The following SPOCK3 variants were observed in gnomAD, a reference collection of about 807,000 sequenced individuals.
SPOCK3 encodes the protein SPARC (osteonectin), cwcv and kazal like domains proteoglycan 3, also known as testican-3.
In SPOCK3, 30 loss-of-function variants were observed where a neutral mutation model predicts 56.6. The ratio of observed to expected loss-of-function variants is 0.53; its 90% CI spans 0.40 to 0.72. SPOCK3 has a LOEUF of 0.72. Ranked by LOEUF, SPOCK3 falls within the 30% of genes least tolerant of loss-of-function variation. SPOCK3 has a pLI of 0.00. For missense variants in SPOCK3, 527 were observed against 530.0 expected, an observed-to-expected ratio of 0.99 and a Z score of 0.06; for synonymous variants, 196 against 183.3, an observed-to-expected ratio of 1.07 and a Z score of -0.56.
chr4:167,049,934 A>G (rs1754047415), intron 3 of SPOCK3, among the ~76,000 whole-genome samples: 1 of 152,204 alleles, frequency 6.6e-6, no homozygotes, highest in South Asian at 2.1e-4. Context: ...ATAAATCGGT[A>G]TTTCATAACA....
rs957318929 is a variant in SPOCK3 at position 167,193,730 on chromosome 4, A to G, written c.189+40255T>C. Among the ~76,000 whole-genome samples, 11 of 145,562 alleles carry G rather than the reference A, an allele frequency of 7.6e-5. 2 individuals carry two copies. Among genetic ancestry groups the G allele is most frequent in the Admixed American group, 3.5e-4 (5 of 14,144 alleles). The stretch of plus-strand genomic sequence containing the variant: ...AGGCCTGCAATGTTTCTGCTGAGAA[A>G]CCCAAAGATAATCTTATGAGAGTTC... On this transcript the variant is annotated intron_variant, in intron 2 of 10. Coordinates refer to ENST00000357545, the MANE Select transcript of SPOCK3 (RefSeq NM_001040159.2).
chr4:166,752,337 C>T (rs1447379062), intron 8 of SPOCK3, among the ~76,000 whole-genome samples: 1 of 151,960 alleles, frequency 6.6e-6, no homozygotes, highest in Non-Finnish European at 1.5e-5. Context: ...TTTACAAACT[C>T]ATTTATTAAA....
intron 6 of SPOCK3, chr4:166,883,115 T>TA (rs1733840470): frequency 6.6e-6 from 1 of 152,152 alleles, no homozygotes; most frequent in South Asian, 2.1e-4. Context: ...CATACAAAAT[T>TA]AAACGTTAAA....
intron 6 of SPOCK3, among the ~76,000 whole-genome samples, chr4:166,866,799 A>G (rs947889690): frequency 6.6e-6 from 1 of 152,068 alleles, no homozygotes; most frequent in Admixed American, 6.6e-5. Context: ...AAATATAAAT[A>G]GGTTTCTCTA....
intron 2 of SPOCK3, among the ~76,000 whole-genome samples, chr4:167,205,291 A>C (rs1360402133): frequency 2.0e-5 from 1 of 49,414 alleles, no homozygotes; most frequent in Non-Finnish European, 3.9e-5. Context: ...TATATATTTT[A>C]TATCTATAAT....
In SPOCK3 at chr4:167,193,883, G is replaced by A. The variant is rs1212060792; in HGVS notation, c.189+40102C>T. 4.5e-5 allele frequency among the ~76,000 whole-genome samples: 6 copies of A among 133,672 alleles called. 2 individuals carry two copies. Among genetic ancestry groups the A allele is most frequent in the Admixed American group, 1.6e-4 (2 of 12,254 alleles). 87.7% of individuals were successfully genotyped at this position (133,672 alleles called of 152,430 possible). A position where few individuals can be genotyped will look rare whatever the true frequency, so the allele number is the denominator to read the frequency against. On this transcript the variant is annotated intron_variant, in intron 2 of 10. Transcript: ENST00000357545. The stretch of plus-strand genomic sequence containing the variant: ...ATTGACTTTGCATGGGGTTTTTTGA[G>A]TTTCACAAATCTAGATGTCCATATC...
intron 2 of SPOCK3, among the ~76,000 whole-genome samples, chr4:167,138,753 A>G (rs1377379017): frequency 1.3e-5 from 2 of 151,918 alleles, no homozygotes; most frequent in African/African-American, 4.8e-5. Flanking sequence ...TACCCTAAAA[A>G]ATGTCATTGT....
chr4:166,786,876 A>G (rs78527662), intron 7 of SPOCK3, among the ~76,000 whole-genome samples: 2,185 of 152,224 alleles, frequency 0.014, 48 homozygotes, highest in African/African-American at 0.049. Flanking sequence ...CGTATCTAAG[A>G]CTTTGCAGGG....
At chr4:166,826,834 G>T (rs1449259917) in intron 6 of SPOCK3, among the ~76,000 whole-genome samples, 2 of 151,918 alleles carry the variant, frequency 1.3e-5, no homozygotes, top group Non-Finnish European at 2.9e-5. Flanking sequence ...GTGAAGTTAG[G>T]TCTGATCCAC....
intron 6 of SPOCK3, among the ~76,000 whole-genome samples, chr4:166,841,843 T>C (rs2126833652): frequency 6.6e-6 from 1 of 152,294 alleles, no homozygotes; most frequent in African/African-American, 2.4e-5. Context: ...TCTAAAATCG[T>C]TGGGTTCTTG....
At chr4:166,794,643 CT>C (rs1170214198) in intron 6 of SPOCK3, among the ~76,000 whole-genome samples, 703 of 127,314 alleles carry the variant, frequency 5.5e-3, no homozygotes, top group Middle Eastern at 8.2e-3. Context: ...TTCTTTCTTT[CT>C]TTTTTTTTTT....
chr4:166,842,234 T>G (rs1190669897), intron 6 of SPOCK3, among the ~76,000 whole-genome samples: 1 of 152,234 alleles, frequency 6.6e-6, no homozygotes, highest in Non-Finnish European at 1.5e-5. Context: ...GAAGAGGACT[T>G]CAGCACGTTG....
intron 6 of SPOCK3, among the ~76,000 whole-genome samples, chr4:166,856,435 C>A (rs1171658037): frequency 6.6e-6 from 1 of 152,012 alleles, no homozygotes; most frequent in African/African-American, 2.4e-5. Flanking sequence ...TCATATTTTA[C>A]CCCATAAATA....
At chr4:167,080,066 T>G (rs1204348546) in intron 2 of SPOCK3, among the ~76,000 whole-genome samples, 1 of 151,974 alleles carries the variant, frequency 6.6e-6, no homozygotes, top group Non-Finnish European at 1.5e-5. Flanking sequence ...TCTTGCAAAA[T>G]GCATAGATGG....
intron 2 of SPOCK3, among the ~76,000 whole-genome samples, chr4:167,144,607 T>TA: frequency 6.6e-6 from 1 of 151,086 alleles, no homozygotes; most frequent in Admixed American, 6.6e-5. Context: ...TAATAAATGA[T>TA]ATGGAGAAGG....
intron 2 of SPOCK3, among the ~76,000 whole-genome samples, chr4:167,209,594 A>G (rs953166302): frequency 6.6e-6 from 1 of 152,064 alleles, no homozygotes; most frequent in Non-Finnish European, 1.5e-5. Flanking sequence ...TCTAGAATAC[A>G]CATTTTCCTC....
intron 4 of SPOCK3, among the ~76,000 whole-genome samples, chr4:166,952,380 C>T (rs77186880): frequency 1.1e-4 from 16 of 151,866 alleles, no homozygotes; most frequent in East Asian, 3.9e-4. Context: ...TTACAAGGGA[C>T]GTGAAGGACC....
At chr4:167,022,160 G>A (rs1466852664) in intron 3 of SPOCK3, among the ~76,000 whole-genome samples, 2 of 151,912 alleles carry the variant, frequency 1.3e-5, no homozygotes, top group East Asian at 1.9e-4. Flanking sequence ...TAGGTTGGGC[G>A]TGGAGCAAAC....
chr4:167,088,328 CA>C (rs1758388986), intron 2 of SPOCK3, among the ~76,000 whole-genome samples: 2 of 152,166 alleles, frequency 1.3e-5, no homozygotes, highest in African/African-American at 4.8e-5. Context: ...GTCAGTACCA[CA>C]CTGAGAATCA....
Sources: gnomAD v4.1 joint callset for allele counts (sites outside exome capture counted in the v4.1 genomes callset) on GRCh38, gnomAD v4.1.1 for gene constraint, MANE v1.5 for transcripts, NCBI Gene and HGNC (gene_info 2026-07-23, HGNC 2026-07-21) for gene names.